Variants in DAPK2 observed in about 807,000 individuals in gnomAD.
DAPK2 encodes the protein death-associated protein kinase 2.
DAPK2 carries 35 observed loss-of-function variants against 44.1 expected under a neutral mutation model. The observed-to-expected ratio is 0.79, with a 90% CI of 0.61 to 1.05. The LOEUF (loss-of-function observed/expected upper bound fraction) is 1.05, where lower values mean the gene tolerates loss of function less well. DAPK2 is among the 50% of genes least tolerant of loss of function. The pLI is 0.00. For missense variants in DAPK2, 453 were observed against 483.2 expected (o/e 0.94, Z 0.59); for synonymous variants, 174 against 182.6 (o/e 0.95, Z 0.38).
chr15:63,950,899 G>A (rs1434874965), intron 3 of DAPK2, among the ~76,000 whole-genome samples: 1 of 152,212 alleles, frequency 6.6e-6, no homozygotes, highest in East Asian at 1.9e-4. Context: ...CACATTTGAA[G>A]TATTAACATC....
At chr15:63,913,383 G>A (rs1255266710) in intron 8 of DAPK2, among the ~76,000 whole-genome samples, 1 of 152,130 alleles carries the variant, frequency 6.6e-6, no homozygotes, top group Non-Finnish European at 1.5e-5. Context: ...TTAAAATTTA[G>A]TATGTATGTA....
chr15:63,937,430 C>G (rs921266366), intron 4 of DAPK2, among the ~76,000 whole-genome samples: 1 of 152,176 alleles, frequency 6.6e-6, no homozygotes, highest in Non-Finnish European at 1.5e-5. Flanking sequence ...CATCAATAAC[C>G]CACTCACACT....
At position 63,927,817 on chromosome 15, in the gene DAPK2, T is replaced by C. The variant is rs115166764; in HGVS notation, c.660-1724A>G. 4.9e-3 allele frequency among the ~76,000 whole-genome samples: 749 copies of C among 152,020 alleles called. 5 individuals carry two copies. The highest frequency in any genetic ancestry group is 0.017 in the African/African-American group (696 of 41,434). On this transcript the variant is annotated intron_variant, in intron 6 of 10. Transcript: ENST00000261891. ...GTGCAGTGGTGCTACTACAGCTCACTGCAACTTCTGGGCTCAAGCGATCCT... is the reference window on the plus strand; with the variant it reads ...GTGCAGTGGTGCTACTACAGCTCACCGCAACTTCTGGGCTCAAGCGATCCT...
chr15:63,955,965 A>G (rs1467086851), intron 3 of DAPK2, among the ~76,000 whole-genome samples: 1 of 152,136 alleles, frequency 6.6e-6, no homozygotes, highest in African/African-American at 2.4e-5. Context: ...TACAGCTTTG[A>G]TCTTCTTACT....
Position 63,916,060 on chromosome 15 carries a change from C to G in DAPK2, c.859-3863G>C, listed in dbSNP as rs763757925. ...GTGGTCCATCCGTGATACCAGGGAG[C>G]CCTGGGTGATTCTGACCAGGCTCCT... On this transcript the variant is annotated intron_variant, in intron 8 of 10. Transcript: ENST00000261891. The surrounding 1 kb of genome is among the most constrained non-coding windows in gnomAD (Gnocchi z 4.7). 6.6e-6 allele frequency: 1 copy of G among 152,102 alleles called. No individual in the cohort carries two copies. The highest frequency in any genetic ancestry group is 2.4e-5 in the African/African-American group (1 of 41,326). The allele number at this position is 152,102 out of a possible 1,614,324, so 9.4% of individuals were successfully genotyped here. A position where few individuals can be genotyped will look rare whatever the true frequency, so the allele number is the denominator to read the frequency against.
At chr15:63,930,380 G>A (rs1251588677) in intron 5 of DAPK2, 27 bp downstream of exon 6, 12 of 1,613,282 alleles carry the variant, frequency 7.4e-6, no homozygotes, top group Middle Eastern at 1.6e-4. Context: ...GGATCGCTAG[G>A]TCACCTGAGT....
chr15:63,942,513 C>T (rs2077336486), intron 3 of DAPK2, among the ~76,000 whole-genome samples: 1 of 151,846 alleles, frequency 6.6e-6, no homozygotes, highest in African/African-American at 2.4e-5. Context: ...GAACACACTG[C>T]TACACTCCAG....
chr15:63,970,887 G>A (rs2078193692), intron 3 of DAPK2, among the ~76,000 whole-genome samples: 1 of 152,118 alleles, frequency 6.6e-6, no homozygotes, highest in Admixed American at 6.6e-5. Context: ...ATGATCAGTG[G>A]CCCCTACAAG....
At chr15:63,968,948 T>C (rs2078132279) in intron 3 of DAPK2, among the ~76,000 whole-genome samples, 1 of 152,024 alleles carries the variant, frequency 6.6e-6, no homozygotes, top group Admixed American at 6.6e-5. Flanking sequence ...AAACAACAAG[T>C]TAATTGTCCA....
chr15:63,978,875 G>C (rs1354340006), intron 2 of DAPK2, among the ~76,000 whole-genome samples: 1 of 152,128 alleles, frequency 6.6e-6, no homozygotes, highest in Admixed American at 6.5e-5. Flanking sequence ...CTTCCTCCCT[G>C]CAGGGTGGCA....
chr15:63,969,556 C>T (rs1009581979), intron 3 of DAPK2, among the ~76,000 whole-genome samples: 3 of 152,004 alleles, frequency 2.0e-5, no homozygotes, highest in Admixed American at 6.6e-5. Flanking sequence ...CCTGGGCAAA[C>T]ATGGCAAGAC....
intron 3 of DAPK2, among the ~76,000 whole-genome samples, chr15:63,954,435 G>A (rs1184705459): frequency 6.6e-6 from 1 of 152,042 alleles, no homozygotes; most frequent in Non-Finnish European, 1.5e-5. Flanking sequence ...TGTTGGCACC[G>A]TTGTCGAAAA....
intron 1 of DAPK2, among the ~76,000 whole-genome samples, chr15:63,997,326 A>ATTTAT (rs990285794): frequency 1.3e-5 from 2 of 152,094 alleles, no homozygotes; most frequent in African/African-American, 4.8e-5. Flanking sequence ...CCCAGCTGCA[A>ATTTAT]TTTATTTTAT....
At chr15:63,938,000 C>T (rs2077209305) in intron 4 of DAPK2, among the ~76,000 whole-genome samples, 1 of 152,174 alleles carries the variant, frequency 6.6e-6, no homozygotes. Context: ...TAATATCTGT[C>T]ATACAGTAGG....
chr15:63,946,021 C>G (rs1242095142), intron 3 of DAPK2, among the ~76,000 whole-genome samples: 1 of 152,244 alleles, frequency 6.6e-6, no homozygotes, highest in Non-Finnish European at 1.5e-5. Context: ...AAATACTTCA[C>G]CCACATACCT....
chr15:64,000,656 T>C (rs948771815), intron 1 of DAPK2, among the ~76,000 whole-genome samples: 2 of 151,912 alleles, frequency 1.3e-5, no homozygotes, highest in Non-Finnish European at 2.9e-5. Context: ...GAAGAAGGCA[T>C]GATGCTGGGG....
At chr15:64,002,806 G>A (rs368358596) in intron 1 of DAPK2, among the ~76,000 whole-genome samples, 1 of 152,154 alleles carries the variant, frequency 6.6e-6, no homozygotes, top group Non-Finnish European at 1.5e-5. Flanking sequence ...TATCTCATCT[G>A]TAAAGTATCA....
At chr15:63,907,076 G>T (rs1223864376) in exon 11 of DAPK2, 3 of 152,118 alleles carry the variant, frequency 2.0e-5, no homozygotes, top group Non-Finnish European at 4.4e-5. Flanking sequence ...CAATTTTTGA[G>T]GCCAGAGTCT....
intron 1 of DAPK2, among the ~76,000 whole-genome samples, chr15:63,993,638 T>A (rs1478307458): frequency 6.6e-6 from 1 of 152,054 alleles, no homozygotes; most frequent in African/African-American, 2.4e-5. Flanking sequence ...TGCTTGCCTC[T>A]CCCAGACATG....
Sources: gnomAD v4.1 joint callset for allele counts (sites outside exome capture counted in the v4.1 genomes callset) on GRCh38, gnomAD v4.1.1 for gene constraint, Gnocchi (gnomAD v3.1) non-coding constraint, MANE v1.5 for transcripts, NCBI Gene and HGNC (gene_info 2026-07-23, HGNC 2026-07-21) for gene names.